Variants in NIBAN1 observed in about 807,000 individuals in gnomAD.
NIBAN1 encodes niban apoptosis regulator 1.
A neutral mutation model predicts 75.1 loss-of-function variants in NIBAN1; 81 were observed. The ratio of observed to expected loss-of-function variants is 1.08; its 90% CI spans 0.90 to 1.30. The LOEUF (loss-of-function observed/expected upper bound fraction) is 1.30, where lower values mean the gene tolerates loss of function less well. NIBAN1 is among the 50% of genes most tolerant of loss of function. The pLI is 0.00. For missense variants in NIBAN1, 1,133 were observed against 1,128.1 expected, an observed-to-expected ratio of 1.00 and a Z score of -0.06; for synonymous variants, 436 against 424.8, an observed-to-expected ratio of 1.03 and a Z score of -0.32.
intron 5 of NIBAN1, among the ~76,000 whole-genome samples, chr1:184,853,357 C>A (rs931391065): frequency 2.3e-4 from 35 of 152,132 alleles, no homozygotes; most frequent in African/African-American, 7.5e-4. Context: ...CAAGACTATA[C>A]AATGGAATAC....
At chr1:184,871,837 G>T (rs1656116890) in intron 5 of NIBAN1, among the ~76,000 whole-genome samples, 1 of 152,176 alleles carries the variant, frequency 6.6e-6, no homozygotes, top group Admixed American at 6.5e-5. Flanking sequence ...CCTAGGCATT[G>T]AGTGAAAGAG....
chr1:184,949,226 C>T lies in NIBAN1; in HGVS notation c.55+25076G>A, dbSNP rs185646805. On this transcript the variant is annotated intron_variant, in intron 1 of 13. Coordinates refer to ENST00000367511, the MANE Select transcript of NIBAN1 (RefSeq NM_052966.4). ...ACAAAAAATTAGCCAGGCGTGGTGGCGGGCGCCTATAGTCCCAGCTACGTG... is the reference window on the plus strand; with the variant it reads ...ACAAAAAATTAGCCAGGCGTGGTGGTGGGCGCCTATAGTCCCAGCTACGTG... Among the ~76,000 whole-genome samples, 225 of 152,202 alleles carry T rather than the reference C, an allele frequency of 1.5e-3. 1 individual carries two copies. The highest frequency in any genetic ancestry group is 5.3e-3 in the African/African-American group (220 of 41,538).
At chr1:184,959,120 AG>A (rs1557931249) in intron 1 of NIBAN1, among the ~76,000 whole-genome samples, 1 of 152,254 alleles carries the variant, frequency 6.6e-6, no homozygotes, top group Non-Finnish European at 1.5e-5. Context: ...TGCTTTTTAA[AG>A]GAACATCCAC....
intron 5 of NIBAN1, among the ~76,000 whole-genome samples, chr1:184,869,046 A>G (rs1557893950): frequency 1.3e-5 from 2 of 152,178 alleles, no homozygotes; most frequent in Non-Finnish European, 2.9e-5. Context: ...ACCTGAGAAC[A>G]TGTCAGAAAT....
intron 1 of NIBAN1, among the ~76,000 whole-genome samples, chr1:184,924,199 T>C (rs1047144216): frequency 1.3e-5 from 2 of 152,178 alleles, no homozygotes; most frequent in Non-Finnish European, 2.9e-5. Flanking sequence ...ATATGGCTTT[T>C]ATGGTGTTGA....
At chr1:184,922,576 G>T (rs1241870849) in intron 1 of NIBAN1, among the ~76,000 whole-genome samples, 1 of 151,924 alleles carries the variant, frequency 6.6e-6, no homozygotes. Context: ...CAGATCTTTT[G>T]TCCCTTTTGT....
chr1:184,916,206 T>A (rs546199272), intron 1 of NIBAN1, among the ~76,000 whole-genome samples: 8 of 152,236 alleles, frequency 5.3e-5, no homozygotes, highest in Non-Finnish European at 1.2e-4. Context: ...CTTCACATCA[T>A]TGAAGCTGAT....
chr1:184,878,494 A>T (rs1393954792), intron 5 of NIBAN1, among the ~76,000 whole-genome samples: 1 of 152,236 alleles, frequency 6.6e-6, no homozygotes, highest in African/African-American at 2.4e-5. Context: ...ATGCTATCAA[A>T]TATTTTATCT....
intron 5 of NIBAN1, among the ~76,000 whole-genome samples, chr1:184,851,862 T>C (rs911749235): frequency 2.3e-4 from 34 of 150,626 alleles, no homozygotes; most frequent in Non-Finnish European, 3.7e-4. Context: ...TTTTAACTAA[T>C]CCTCTTATGA....
At chr1:184,949,326 A>C (rs1300323376) in intron 1 of NIBAN1, among the ~76,000 whole-genome samples, 5 of 152,296 alleles carry the variant, frequency 3.3e-5, no homozygotes, top group Middle Eastern at 3.4e-3. Context: ...CCACTGCACT[A>C]CAGCCTGGGC....
chr1:184,823,440 C>T (rs1654758326), intron 7 of NIBAN1, 111 bp from the exon 8 acceptor site: 1 of 1,391,582 alleles, frequency 7.2e-7, no homozygotes, highest in Non-Finnish European at 9.8e-7. Flanking sequence ...CAGAACTGCA[C>T]ACACATTGTA....
At position 184,937,868 on chromosome 1, in the gene NIBAN1, A is replaced by G. The variant is rs552962173; in HGVS notation, c.55+36434T>C. Among the ~76,000 whole-genome samples, 23 of 152,336 alleles carry G rather than the reference A, an allele frequency of 1.5e-4. No individual in the cohort carries two copies. The South Asian group carries it at 2.5e-3, about 16-fold the overall frequency. On this transcript the variant is annotated intron_variant, in intron 1 of 13. Transcript: ENST00000367511. ...CTACGTGAGAAGTAAAGAGTACAAT[A>G]TATGTAAAGCAGCTGACCCACTGCA...
chr1:184,882,635 A>G (rs996373902), intron 5 of NIBAN1, among the ~76,000 whole-genome samples: 1 of 152,212 alleles, frequency 6.6e-6, no homozygotes, highest in Non-Finnish European at 1.5e-5. Flanking sequence ...AATCTTCCAT[A>G]AATGGAGTCT....
At chr1:184,902,093 G>T (rs1247277852) in intron 1 of NIBAN1, among the ~76,000 whole-genome samples, 1 of 152,130 alleles carries the variant, frequency 6.6e-6, no homozygotes, top group East Asian at 1.9e-4. Context: ...GGACGGTCTG[G>T]CTTGGTGGCT....
At chr1:184,832,709 T>C (rs956797474) in intron 5 of NIBAN1, among the ~76,000 whole-genome samples, 9 of 152,164 alleles carry the variant, frequency 5.9e-5, no homozygotes, top group African/African-American at 1.9e-4. Flanking sequence ...GGTTTGCCCT[T>C]CTAAACATAC....
intron 5 of NIBAN1, among the ~76,000 whole-genome samples, chr1:184,879,759 T>C (rs186206892): frequency 3.3e-3 from 496 of 152,280 alleles, no homozygotes; most frequent in African/African-American, 0.011. Context: ...GGTAAGAGCT[T>C]AAGGCATGTA....
At chr1:184,887,744 T>A (rs1656563554) in intron 4 of NIBAN1, 1 of 152,250 alleles carries the variant, frequency 6.6e-6, no homozygotes, top group Admixed American at 6.5e-5. Context: ...TTTAGTGAGA[T>A]AATAAAACTT....
At chr1:184,836,694 C>T (rs929356111) in intron 5 of NIBAN1, among the ~76,000 whole-genome samples, 1 of 152,136 alleles carries the variant, frequency 6.6e-6, no homozygotes, top group African/African-American at 2.4e-5. Context: ...AAATGAGCCA[C>T]AAGAGAAATT....
chr1:184,906,460 G>A (rs1037841473), intron 1 of NIBAN1, among the ~76,000 whole-genome samples: 4 of 151,658 alleles, frequency 2.6e-5, no homozygotes, highest in African/African-American at 4.9e-5. Context: ...GAGAAACCCC[G>A]TCCCTACTAA....
Sources: gnomAD v4.1 joint callset for allele counts (sites outside exome capture counted in the v4.1 genomes callset) on GRCh38, gnomAD v4.1.1 for gene constraint, MANE v1.5 for transcripts, NCBI Gene and HGNC (gene_info 2026-07-23, HGNC 2026-07-21) for gene names.